Variants in PFKFB3 observed in about 807,000 individuals in gnomAD.
PFKFB3 encodes the protein 6-phosphofructo-2-kinase/fructose-2,6-bisphosphatase 3.
PFKFB3 carries 33 observed loss-of-function variants against 68.0 expected under a neutral mutation model. The ratio of observed to expected loss-of-function variants is 0.49; its 90% CI spans 0.37 to 0.65. The LOEUF (loss-of-function observed/expected upper bound fraction) is 0.65, where lower values mean the gene tolerates loss of function less well. Among genes scored for constraint, PFKFB3 ranks in the 30% least tolerant of loss-of-function variants. PFKFB3 has a pLI of 0.00. For missense variants in PFKFB3, 586 were observed against 712.2 expected (o/e 0.82, Z 2.02); for synonymous variants, 315 against 288.2 (o/e 1.09, Z -0.94).
At chr10:6,308,019 C>G in the PFKFB3 span, among the ~76,000 whole-genome samples, 1 of 152,158 alleles carries the variant, frequency 6.6e-6, no homozygotes, top group Non-Finnish European at 1.5e-5. Flanking sequence ...AGAGAAAACC[C>G]TCACCAGATG....
chr10:6,284,885 G>C, the PFKFB3 span, among the ~76,000 whole-genome samples: 1 of 152,056 alleles, frequency 6.6e-6, no homozygotes, highest in Non-Finnish European at 1.5e-5. Context: ...ATGTTTTTAA[G>C]GTTTATCTAT....
In PFKFB3 at chr10:6,226,174, T is replaced by G; in HGVS notation, c.1342-18T>G. ...TTGTAACTGTCGCCTTTCTCTCTTTTGTCTTTGTCTTGCTTAGGATGCAAA... is the reference window on the plus strand; with the variant it reads ...TTGTAACTGTCGCCTTTCTCTCTTTGGTCTTTGTCTTGCTTAGGATGCAAA... On this transcript the variant is annotated intron_variant, in intron 13 of 14. Coordinates refer to ENST00000379775, the MANE Select transcript of PFKFB3 (RefSeq NM_004566.4). 6.5e-7 allele frequency: 1 copy of G among 1,544,484 alleles called. No individual in the cohort carries two copies. Among genetic ancestry groups the G allele is most frequent in the Non-Finnish European group, 8.7e-7 (1 of 1,145,314 alleles).
chr10:6,229,299 C>T lies in PFKFB3; in HGVS notation c.1515+2934C>T, dbSNP rs917508126. ...GGGAGGTCGGCAGGGCAGTCAGTCC[C>T]CCGTTTAATGGTTGAGGGGCTGAGT... On this transcript the variant is annotated intron_variant, in intron 14 of 14. Transcript: ENST00000379775. This position sits in a 1 kb window ranked among gnomAD's most constrained non-coding sequence, Gnocchi z 4.3. 7.4e-6 allele frequency: 3 copies of T among 405,726 alleles called. No individual in the cohort carries two copies. The highest frequency in any genetic ancestry group is 5.3e-5 in the Admixed American group (2 of 37,900). The allele number at this position is 405,726 out of a possible 1,614,324, so 25.1% of individuals were successfully genotyped here. A position where few individuals can be genotyped will look rare whatever the true frequency, so the allele number is the denominator to read the frequency against.
chr10:6,300,125 G>C, the PFKFB3 span, among the ~76,000 whole-genome samples: 2 of 151,952 alleles, frequency 1.3e-5, no homozygotes, highest in Non-Finnish European at 2.9e-5. Context: ...TACTGGTTCT[G>C]TGGTTGTTGG....
At chr10:6,235,746 T>C (rs544411367), downstream of PFKFB3, among the ~76,000 whole-genome samples, 2 of 150,470 alleles carry the variant, frequency 1.3e-5, no homozygotes, top group East Asian at 3.9e-4. Context: ...ATTTTTATTT[T>C]TAATTTAATT....
At chr10:6,213,470 G>C (rs1215560014) in intron 1 of PFKFB3, among the ~76,000 whole-genome samples, 153 bp from the exon 2 acceptor site, 2 of 152,172 alleles carry the variant, frequency 1.3e-5, no homozygotes, top group Non-Finnish European at 2.9e-5. Context: ...CAGTAATCAT[G>C]GTGGCCACCG....
the PFKFB3 span, among the ~76,000 whole-genome samples, chr10:6,265,164 T>C: frequency 7.0e-6 from 1 of 143,072 alleles, no homozygotes; most frequent in Admixed American, 7.3e-5. Flanking sequence ...CACTGCAACC[T>C]CCACCTCCCG....
chr10:6,211,070 C>T (rs73615835), intron 1 of PFKFB3, among the ~76,000 whole-genome samples: 1 of 150,236 alleles, frequency 6.7e-6, no homozygotes, highest in Admixed American at 6.6e-5. Flanking sequence ...GTTATAGCGC[C>T]CCTCTCTTTG....
At chr10:6,208,874 C>T (rs1843972922) in intron 1 of PFKFB3, among the ~76,000 whole-genome samples, 1 of 152,180 alleles carries the variant, frequency 6.6e-6, no homozygotes, top group African/African-American at 2.4e-5. Context: ...TGAGTGTTCA[C>T]CAGCCAGCCT....
intron 1 of PFKFB3, among the ~76,000 whole-genome samples, chr10:6,179,627 C>CA (rs1379589248): frequency 6.6e-6 from 1 of 152,080 alleles, no homozygotes. Flanking sequence ...GGACTGCAGG[C>CA]AAGAGGGGAG....
chr10:6,212,388 G>A (rs1016722284), intron 1 of PFKFB3, among the ~76,000 whole-genome samples: 82 of 152,210 alleles, frequency 5.4e-4, no homozygotes, highest in African/African-American at 1.8e-3. Context: ...GAGATGCCAA[G>A]ACCGTCATGT....
intron 1 of PFKFB3, among the ~76,000 whole-genome samples, chr10:6,189,789 A>G (rs1842976869): frequency 6.6e-6 from 1 of 151,942 alleles, no homozygotes; most frequent in East Asian, 1.9e-4. Flanking sequence ...TGCTGGGATT[A>G]CAGGCGTGAG....
intron 1 of PFKFB3, among the ~76,000 whole-genome samples, chr10:6,177,415 C>CT (rs1311907121): frequency 2.1e-3 from 85 of 39,748 alleles, no homozygotes; most frequent in Non-Finnish European, 3.8e-3. Flanking sequence ...TTTCTTCTTT[C>CT]TCTTTCTTCC....
At chr10:6,266,160 C>T in the PFKFB3 span, among the ~76,000 whole-genome samples, 2 of 152,158 alleles carry the variant, frequency 1.3e-5, no homozygotes, top group African/African-American at 4.8e-5. Flanking sequence ...CCTTCTGCCT[C>T]GGCCTCTCAA....
In PFKFB3 at chr10:6,233,008, G is replaced by A. The variant is rs1845839336; in HGVS notation, c.*66G>A. 1.9e-5 allele frequency: 24 copies of A among 1,266,018 alleles called. No homozygotes were observed. The highest frequency in any genetic ancestry group is 1.8e-4 in the South Asian group (15 of 84,016). 78.4% of individuals were successfully genotyped at this position (1,266,018 alleles called of 1,614,324 possible). A position where few individuals can be genotyped will look rare whatever the true frequency, so the allele number is the denominator to read the frequency against. ...TTAGCTTGTGTCCTGCCCTCCGCCC[G>A]AGGCAAAACGTATCCTGAGGACTTC... On this transcript the variant is annotated 3_prime_UTR_variant, in exon 15 of 15. Transcript: ENST00000379775.
chr10:6,145,283 C>A (rs1217991552), intron 1 of PFKFB3, among the ~76,000 whole-genome samples: 3 of 151,614 alleles, frequency 2.0e-5, no homozygotes, highest in Non-Finnish European at 4.4e-5. Flanking sequence ...TCCGGCCTCG[C>A]GTCTCCTTTC....
the PFKFB3 span, among the ~76,000 whole-genome samples, chr10:6,279,634 A>G: frequency 6.6e-6 from 1 of 152,124 alleles, no homozygotes; most frequent in African/African-American, 2.4e-5. Context: ...GACCTCCTGG[A>G]ATGTCAGCAG....
chr10:6,277,733 C>T, the PFKFB3 span: 2 of 421,604 alleles, frequency 4.7e-6, no homozygotes, highest in South Asian at 1.7e-5. Context: ...CAGATGCCAG[C>T]ACCACGCTTT....
At chr10:6,314,701 C>G in the PFKFB3 span, among the ~76,000 whole-genome samples, 1,013 of 152,278 alleles carry the variant, frequency 6.7e-3, 17 homozygotes, top group African/African-American at 0.023. Flanking sequence ...AAATGCTGAA[C>G]AGTTTCCTTA....
Sources: allele counts gnomAD v4.1 joint callset (sites outside exome capture counted in the v4.1 genomes callset), GRCh38; gene constraint gnomAD v4.1.1; non-coding constraint Gnocchi (gnomAD v3.1); transcripts MANE v1.5; gene names NCBI Gene and HGNC (gene_info 2026-07-23, HGNC 2026-07-21).